KCNH7: variants seen among roughly 807,000 people sequenced by gnomAD.
KCNH7 encodes potassium voltage-gated channel subfamily H member 7, also known as voltage-gated inwardly rectifying potassium channel KCNH7.
In KCNH7, 49 loss-of-function variants were observed where a neutral mutation model predicts 120.8. The ratio of observed to expected loss-of-function variants is 0.41; its 90% CI spans 0.32 to 0.51. KCNH7 has a LOEUF of 0.51. Ranked by LOEUF, KCNH7 falls within the 20% of genes least tolerant of loss-of-function variation. The probability of loss-of-function intolerance (pLI) is 0.38; values close to 1 mark genes in which losing one functional copy is unlikely to be tolerated. For missense variants in KCNH7, 1,097 were observed against 1,446.6 expected (o/e 0.76, Z 3.92); for synonymous variants, 547 against 516.1 (o/e 1.06, Z -0.81).
intron 6 of KCNH7, among the ~76,000 whole-genome samples, chr2:162,468,686 A>T (rs2105631123): frequency 6.6e-6 from 1 of 151,298 alleles, no homozygotes; most frequent in African/African-American, 2.4e-5. Flanking sequence ...ATGCCTGACT[A>T]ATTTTTTGTA....
chr2:162,691,050 G>T (rs1004109829), intron 2 of KCNH7, among the ~76,000 whole-genome samples: 9 of 152,030 alleles, frequency 5.9e-5, no homozygotes, highest in Non-Finnish European at 1.3e-4. Flanking sequence ...TGAATGATAG[G>T]GACTGACTAC....
chr2:162,414,983 A>G (rs113332702), intron 9 of KCNH7, among the ~76,000 whole-genome samples: 4 of 152,124 alleles, frequency 2.6e-5, no homozygotes, highest in African/African-American at 7.2e-5. Context: ...AGTCCCACCA[A>G]TTGATAGAAA....
At chr2:162,500,015 A>G (rs1396854646) in intron 6 of KCNH7, among the ~76,000 whole-genome samples, 1 of 151,908 alleles carries the variant, frequency 6.6e-6, no homozygotes, top group Non-Finnish European at 1.5e-5. Flanking sequence ...TGTAAAGTCA[A>G]TGTACTGTAC....
At chr2:162,719,079 A>G (rs1334545003) in intron 2 of KCNH7, among the ~76,000 whole-genome samples, 1 of 152,024 alleles carries the variant, frequency 6.6e-6, no homozygotes, top group African/African-American at 2.4e-5. Flanking sequence ...ACGTATGTAT[A>G]TATACTAGCT....
intron 2 of KCNH7, among the ~76,000 whole-genome samples, chr2:162,566,904 A>T (rs1204772972): frequency 6.6e-6 from 1 of 152,088 alleles, no homozygotes; most frequent in East Asian, 1.9e-4. Context: ...GTCTTAAAAA[A>T]ATAGTAGGAT....
At chr2:162,537,959 A>G (rs924532645) in intron 2 of KCNH7, 13 of 152,050 alleles carry the variant, frequency 8.5e-5, no homozygotes, top group African/African-American at 2.9e-4. Context: ...AATTCCCTCA[A>G]AGCAGTTTCC....
At chr2:162,498,320 T>C in intron 6 of KCNH7, among the ~76,000 whole-genome samples, 1 of 150,756 alleles carries the variant, frequency 6.6e-6, no homozygotes, top group East Asian at 1.9e-4. Flanking sequence ...TTGTAGCATT[T>C]AATTTAATTT....
chr2:162,618,485 C>T (rs976615268), intron 2 of KCNH7, among the ~76,000 whole-genome samples: 2 of 151,854 alleles, frequency 1.3e-5, no homozygotes, highest in African/African-American at 4.8e-5. Context: ...TAAATGAATA[C>T]ACAGAAATCA....
At chr2:162,627,596 G>A (rs755668981) in intron 2 of KCNH7, among the ~76,000 whole-genome samples, 1 of 152,138 alleles carries the variant, frequency 6.6e-6, no homozygotes, top group Non-Finnish European at 1.5e-5. Context: ...TGAAGGCTAT[G>A]AGACTATGAT....
intron 6 of KCNH7, among the ~76,000 whole-genome samples, chr2:162,457,378 A>C (rs1689002364): frequency 6.6e-6 from 1 of 152,184 alleles, no homozygotes; most frequent in South Asian, 2.1e-4. Flanking sequence ...GGCCTCCAGA[A>C]AGATTTACAT....
At chr2:162,608,137 T>C (rs57281593) in intron 2 of KCNH7, among the ~76,000 whole-genome samples, 4,269 of 152,226 alleles carry the variant, frequency 0.028, 222 homozygotes, top group African/African-American at 0.098. Flanking sequence ...GGAGTCATGT[T>C]CTAAATATAA....
At chr2:162,681,601 G>A (rs964948456) in intron 2 of KCNH7, among the ~76,000 whole-genome samples, 8 of 151,584 alleles carry the variant, frequency 5.3e-5, no homozygotes, top group East Asian at 1.9e-4. Flanking sequence ...CATACTGTTC[G>A]TGTTGGATGA....
At chr2:162,427,905 T>C (rs1273875927) in intron 8 of KCNH7, among the ~76,000 whole-genome samples, 1 of 151,866 alleles carries the variant, frequency 6.6e-6, no homozygotes, top group Admixed American at 6.6e-5. Context: ...GTAACTTATG[T>C]TCTCTCTTTT....
At position 162,699,311 on chromosome 2, in the gene KCNH7, G is replaced by A. The variant is rs577963570; in HGVS notation, c.307+137226C>T. On this transcript the variant is annotated intron_variant, in intron 2 of 15. Transcript: ENST00000332142. The stretch of plus-strand genomic sequence containing the variant: ...CTTTCTGTGCTTGTCTTATTTCACC[G>A]AATGTCCTCCAGGTTCATCTATGTT... Among the ~76,000 whole-genome samples, 14 of 152,140 alleles carry A rather than the reference G, an allele frequency of 9.2e-5. No individual in the cohort carries two copies. In the South Asian group the frequency reaches 1.7e-3, roughly 18 times the overall value.
chr2:162,781,641 CT>C (rs974809276), intron 2 of KCNH7, among the ~76,000 whole-genome samples: 2 of 151,976 alleles, frequency 1.3e-5, no homozygotes, highest in African/African-American at 4.8e-5. Flanking sequence ...ATATATTATA[CT>C]TTTTTGAGCA....
intron 2 of KCNH7, among the ~76,000 whole-genome samples, chr2:162,633,281 C>T (rs1016751043): frequency 1.8e-4 from 28 of 151,834 alleles, no homozygotes; most frequent in African/African-American, 6.0e-4. Context: ...ATAAACTTGG[C>T]CGAAATAATC....
At chr2:162,438,540 G>A (rs1412603150) in intron 7 of KCNH7, among the ~76,000 whole-genome samples, 1 of 152,164 alleles carries the variant, frequency 6.6e-6, no homozygotes, top group African/African-American at 2.4e-5. Context: ...GAGCCACAAA[G>A]TAGGGGGAAG....
intron 9 of KCNH7, among the ~76,000 whole-genome samples, chr2:162,420,291 G>A (rs1338656918): frequency 6.6e-6 from 1 of 152,136 alleles, no homozygotes; most frequent in African/African-American, 2.4e-5. Flanking sequence ...CAGGAGAATT[G>A]CTTGAACCCA....
At chr2:162,388,280 A>G (rs1012181329) in intron 12 of KCNH7, among the ~76,000 whole-genome samples, 3 of 151,848 alleles carry the variant, frequency 2.0e-5, no homozygotes, top group East Asian at 3.9e-4. Flanking sequence ...GCTCTATTCT[A>G]CAGTATGGTA....
Sources: allele counts gnomAD v4.1 joint callset (sites outside exome capture counted in the v4.1 genomes callset), GRCh38; gene constraint gnomAD v4.1.1; transcripts MANE v1.5; gene names NCBI Gene and HGNC (gene_info 2026-07-23, HGNC 2026-07-21).